Variants in CDH12 observed in about 807,000 individuals in gnomAD.
CDH12 encodes the protein cadherin-12.
Under a neutral mutation model 74.1 loss-of-function variants are expected in CDH12, and 41 were observed. The ratio of observed to expected loss-of-function variants is 0.55; its 90% CI spans 0.43 to 0.72. The LOEUF (loss-of-function observed/expected upper bound fraction) is 0.72, where lower values mean the gene tolerates loss of function less well. CDH12 is among the 30% of genes least tolerant of loss of function. CDH12 has a pLI of 0.00. For missense variants in CDH12, 945 were observed against 977.2 expected, an observed-to-expected ratio of 0.97 and a Z score of 0.44; for synonymous variants, 399 against 355.0, an observed-to-expected ratio of 1.12 and a Z score of -1.39.
chr5:22,720,309 T>C (rs879316921), intron 1 of CDH12, among the ~76,000 whole-genome samples: 1 of 152,190 alleles, frequency 6.6e-6, no homozygotes, highest in Admixed American at 6.5e-5. Context: ...CTTTGCTTAC[T>C]CTTTCCTATC....
chr5:21,860,077 TAGA>T (rs375897265), intron 6 of CDH12, among the ~76,000 whole-genome samples: 347 of 152,070 alleles, frequency 2.3e-3, no homozygotes, highest in African/African-American at 8.0e-3. Flanking sequence ...GAATGGGTAG[TAGA>T]AGAAGGTCAT....
intron 1 of CDH12, among the ~76,000 whole-genome samples, chr5:22,698,824 T>C (rs1742564393): frequency 6.8e-6 from 1 of 146,116 alleles, no homozygotes; most frequent in Non-Finnish European, 1.5e-5. Context: ...AGTTCAACAA[T>C]AAAAACTAAA....
chr5:22,349,768 T>G (rs1740280347), intron 3 of CDH12, among the ~76,000 whole-genome samples: 1 of 152,166 alleles, frequency 6.6e-6, no homozygotes, highest in South Asian at 2.1e-4. Flanking sequence ...GGAGTCTGGC[T>G]CTGTCGCCCA....
chr5:22,014,558 G>C, intron 5 of CDH12, among the ~76,000 whole-genome samples: 1 of 152,062 alleles, frequency 6.6e-6, no homozygotes, highest in Admixed American at 6.6e-5. Context: ...TGTAGGTTAG[G>C]AATAATTGGT....
At chr5:22,613,421 A>G (rs1737516423) in intron 1 of CDH12, among the ~76,000 whole-genome samples, 1 of 152,130 alleles carries the variant, frequency 6.6e-6, no homozygotes, top group African/African-American at 2.4e-5. Context: ...GTGCAACTGT[A>G]CAGTGGGCAT....
At chr5:21,757,730 G>T (rs924445960) in intron 13 of CDH12, among the ~76,000 whole-genome samples, 1 of 152,070 alleles carries the variant, frequency 6.6e-6, no homozygotes, top group Non-Finnish European at 1.5e-5. Flanking sequence ...AGCTCTTTCA[G>T]CAAAGATACG....
At chr5:22,430,179 G>T (rs1192897148) in intron 2 of CDH12, among the ~76,000 whole-genome samples, 1 of 152,152 alleles carries the variant, frequency 6.6e-6, no homozygotes, top group Admixed American at 6.5e-5. Context: ...ATCTCCCACT[G>T]ACTTAGTGTA....
At chr5:22,039,421 C>T (rs1739419366) in intron 5 of CDH12, among the ~76,000 whole-genome samples, 1 of 152,040 alleles carries the variant, frequency 6.6e-6, no homozygotes, top group Admixed American at 6.6e-5. Context: ...GGTGAACTTG[C>T]ACCACAAGAC....
intron 1 of CDH12, among the ~76,000 whole-genome samples, chr5:22,814,774 A>G (rs1322496477): frequency 1.3e-5 from 2 of 152,160 alleles, no homozygotes; most frequent in East Asian, 3.9e-4. Flanking sequence ...GAGATGTCAT[A>G]TGTAATTTGA....
chr5:21,861,968 A>G (rs1751070256), intron 6 of CDH12, among the ~76,000 whole-genome samples: 1 of 150,726 alleles, frequency 6.6e-6, no homozygotes, highest in African/African-American at 2.4e-5. Flanking sequence ...TTCATGTATT[A>G]TATCTGTGTC....
chr5:22,523,325 C>T (rs1473800714), intron 1 of CDH12, among the ~76,000 whole-genome samples: 4 of 152,024 alleles, frequency 2.6e-5, no homozygotes, highest in African/African-American at 9.7e-5. Flanking sequence ...GCACTCTAGG[C>T]TCCAGTTTCT....
chr5:22,117,467 T>A (rs865971866), intron 4 of CDH12, among the ~76,000 whole-genome samples: 3 of 64,588 alleles, frequency 4.6e-5, no homozygotes, highest in African/African-American at 1.7e-4. Flanking sequence ...ATTATATATA[T>A]AATATATATA....
At chr5:21,899,243 C>T (rs1249755763) in intron 6 of CDH12, among the ~76,000 whole-genome samples, 1 of 152,168 alleles carries the variant, frequency 6.6e-6, no homozygotes, top group Non-Finnish European at 1.5e-5. Flanking sequence ...TTGCATGCCA[C>T]CTTGCATTAC....
chr5:21,907,195 A>T (rs1753679348), intron 6 of CDH12, among the ~76,000 whole-genome samples: 1 of 152,218 alleles, frequency 6.6e-6, no homozygotes, highest in South Asian at 2.1e-4. Context: ...CAATTAGAAC[A>T]TCGTAACGGG....
chr5:22,323,727 C>T (rs1738977966), intron 3 of CDH12, among the ~76,000 whole-genome samples: 1 of 152,148 alleles, frequency 6.6e-6, no homozygotes, highest in African/African-American at 2.4e-5. Flanking sequence ...AGTTGTATCA[C>T]AATAAACACA....
At chr5:22,378,974 A>C (rs144027188) in intron 3 of CDH12, among the ~76,000 whole-genome samples, 1,747 of 152,224 alleles carry the variant, frequency 0.011, 36 homozygotes, top group African/African-American at 0.039. Context: ...AGAGTCAACT[A>C]TTGTTTCATA....
chr5:21,837,103 T>C (rs898468557), intron 8 of CDH12, among the ~76,000 whole-genome samples: 2 of 151,938 alleles, frequency 1.3e-5, no homozygotes, highest in African/African-American at 4.8e-5. Flanking sequence ...CTCCTTTATT[T>C]TCAAAAGTGA....
chr5:22,531,025 A>G (rs1345716282), intron 1 of CDH12, among the ~76,000 whole-genome samples: 1 of 152,082 alleles, frequency 6.6e-6, no homozygotes, highest in African/African-American at 2.4e-5. Context: ...ATGGATTCAT[A>G]TGTATATCTC....
chr5:22,603,235 C>T (rs1280657634), intron 1 of CDH12, among the ~76,000 whole-genome samples: 1 of 151,538 alleles, frequency 6.6e-6, no homozygotes, highest in Non-Finnish European at 1.5e-5. Context: ...AAAACAGCAA[C>T]TATTGAAAAA....
Sources: gnomAD v4.1 joint callset for allele counts (sites outside exome capture counted in the v4.1 genomes callset) on GRCh38, gnomAD v4.1.1 for gene constraint, MANE v1.5 for transcripts, NCBI Gene and HGNC (gene_info 2026-07-23, HGNC 2026-07-21) for gene names.